EED: variants seen among roughly 807,000 people sequenced by gnomAD.
EED encodes polycomb protein EED.
EED carries 9 observed loss-of-function variants against 61.0 expected under a neutral mutation model. The ratio of observed to expected loss-of-function variants is 0.15; its 90% CI spans 0.09 to 0.26. EED has a LOEUF of 0.26. Among genes scored for constraint, EED ranks in the 10% least tolerant of loss-of-function variants. EED has a pLI of 1.00. For missense variants in EED, 315 were observed against 542.3 expected, an observed-to-expected ratio of 0.58 and a Z score of 4.16; for synonymous variants, 187 against 174.4, an observed-to-expected ratio of 1.07 and a Z score of -0.57.
the EED span, among the ~76,000 whole-genome samples, chr11:86,286,828 C>T: frequency 1.6e-4 from 24 of 151,942 alleles, no homozygotes; most frequent in Admixed American, 1.3e-3. Flanking sequence ...AAAAATTAGC[C>T]GGGCACGGTG....
chr11:86,286,324 A>G, the EED span, among the ~76,000 whole-genome samples: 2 of 152,082 alleles, frequency 1.3e-5, no homozygotes, highest in African/African-American at 4.8e-5. Context: ...TACAGGCGTG[A>G]GCCACTGTGC....
intron 6 of EED, among the ~76,000 whole-genome samples, chr11:86,263,236 T>C (rs1328410010): frequency 6.6e-6 from 1 of 152,206 alleles, no homozygotes; most frequent in African/African-American, 2.4e-5. Flanking sequence ...ACCACTTAAG[T>C]AATCCTTAAG....
intron 1 of EED, among the ~76,000 whole-genome samples, chr11:86,246,194 A>G (rs572536047): frequency 3.2e-3 from 485 of 152,386 alleles, no homozygotes; most frequent in African/African-American, 0.011. Flanking sequence ...ACTCGCCAGT[A>G]AGAGCCGAAT....
intron 6 of EED, among the ~76,000 whole-genome samples, chr11:86,259,875 A>T (rs1296983440): frequency 6.6e-6 from 1 of 152,242 alleles, no homozygotes; most frequent in Admixed American, 6.5e-5. Flanking sequence ...ACAAGAAGAA[A>T]TCAGAGCCCT....
rs369391559 is a variant in EED at position 86,250,397 on chromosome 11, A to G, written c.216A>G (p.Lys72=). The G allele has an allele frequency of 2.1e-5, 34 of 1,608,658 alleles. No homozygotes were observed. In the African/African-American group the frequency reaches 2.6e-4, roughly 12 times the overall value. The change falls in exon 2 of 12, where the codon AAA becomes AAG. Residue 72 remains lysine (K), a synonymous_variant. Coordinates refer to ENST00000263360, the MANE Select transcript of EED (RefSeq NM_003797.5). ...GAAGGAAAAGTTGGGGAAAGGGAAA[A>G]TGGAAGTCAAAGAAATGCAAATATT... The part of the protein sequence containing the change: ...APGRKSWGKG[K]WKSKKCKYSF...
intron 2 of EED, among the ~76,000 whole-genome samples, chr11:86,251,157 A>G (rs1307229699): frequency 1.3e-5 from 2 of 152,112 alleles, no homozygotes; most frequent in Admixed American, 6.5e-5. Context: ...ATCCAAATAT[A>G]TTTTTTATAA....
chr11:86,256,358 TTA>T (rs765329415), intron 4 of EED, 27 bp from the exon 5 acceptor site: 564 of 1,508,382 alleles, frequency 3.7e-4, no homozygotes, highest in Non-Finnish European at 4.9e-4. Context: ...TTCAAAAACA[TTA>T]TGTTTCTTAA....
chr11:86,249,985 C>G (rs1025021615), intron 1 of EED, among the ~76,000 whole-genome samples: 1 of 152,188 alleles, frequency 6.6e-6, no homozygotes, highest in African/African-American at 2.4e-5. Context: ...TTGTAAAGAG[C>G]TGTAAAGATT....
chr11:86,252,287 T>C (rs1945552048), intron 3 of EED, 47 bp downstream of exon 3: 1 of 1,296,356 alleles, frequency 7.7e-7, no homozygotes, highest in South Asian at 1.3e-5. Context: ...TTTCCAGATC[T>C]GGTGTTAATG....
the EED span, among the ~76,000 whole-genome samples, chr11:86,286,637 CA>C: frequency 6.6e-6 from 1 of 151,950 alleles, no homozygotes; most frequent in African/African-American, 2.4e-5. Flanking sequence ...TCATCTAGGA[CA>C]GTAGGTTTTA....
chr11:86,266,714 A>G (rs1448650551), intron 8 of EED, among the ~76,000 whole-genome samples: 1 of 152,150 alleles, frequency 6.6e-6, no homozygotes, highest in African/African-American at 2.4e-5. Flanking sequence ...ATTCAAATGC[A>G]GGAGCCTCAC....
chr11:86,249,750 G>A lies in EED; in HGVS notation c.115-546G>A, dbSNP rs562101026. 3.3e-5 allele frequency among the ~76,000 whole-genome samples: 5 copies of A among 152,296 alleles called. No homozygotes were observed. In the East Asian group the frequency reaches 9.6e-4, roughly 29 times the overall value. ...ACTTTAAAAAAATTCTAAATGTTTTGCGTTATAAGCAGAATTTGAATAACA... is the reference window on the plus strand; with the variant it reads ...ACTTTAAAAAAATTCTAAATGTTTTACGTTATAAGCAGAATTTGAATAACA... On this transcript the variant is annotated intron_variant, in intron 1 of 11. Transcript: ENST00000263360.
the EED span, chr11:86,284,650 G>C: frequency 1.3e-5 from 2 of 152,248 alleles, no homozygotes; most frequent in African/African-American, 4.8e-5. Flanking sequence ...TTGGATTTCA[G>C]AACAAAGTAT....
downstream of EED, among the ~76,000 whole-genome samples, chr11:86,279,745 A>C (rs1468582075): frequency 6.6e-6 from 1 of 152,222 alleles, no homozygotes; most frequent in Non-Finnish European, 1.5e-5. Flanking sequence ...GCTATCTCTG[A>C]AGCACAGTTT....
At chr11:86,267,733 T>G (rs1461128784) in intron 8 of EED, among the ~76,000 whole-genome samples, 1 of 151,498 alleles carries the variant, frequency 6.6e-6, no homozygotes, top group Admixed American at 6.6e-5. Context: ...CCCAAGTAGC[T>G]GGATTACAGG....
At chr11:86,256,769 G>T (rs1228511738) in intron 5 of EED, among the ~76,000 whole-genome samples, 2 of 152,056 alleles carry the variant, frequency 1.3e-5, no homozygotes, top group African/African-American at 2.4e-5. Flanking sequence ...CCTTGTCATG[G>T]TTTACTTTGA....
chr11:86,260,488 CA>C (rs1945799381), intron 6 of EED, among the ~76,000 whole-genome samples: 1 of 152,104 alleles, frequency 6.6e-6, no homozygotes, highest in African/African-American at 2.4e-5. Context: ...CTTGGCCTCC[CA>C]AAGTGCTGGG....
intron 9 of EED, among the ~76,000 whole-genome samples, chr11:86,270,736 A>G (rs1279136827): frequency 6.6e-6 from 1 of 152,116 alleles, no homozygotes; most frequent in East Asian, 1.9e-4. Flanking sequence ...TTTTTCTCTT[A>G]TAGATACTCA....
chr11:86,251,516 T>A (rs7128764), intron 2 of EED, among the ~76,000 whole-genome samples: 121,404 of 152,082 alleles, frequency 0.8, 48,640 homozygotes, highest in Non-Finnish European at 0.83. Flanking sequence ...ATGCCAGAAG[T>A]TGGCCAGTAA....
Sources: gnomAD v4.1 joint callset for allele counts (sites outside exome capture counted in the v4.1 genomes callset) on GRCh38, gnomAD v4.1.1 for gene constraint, MANE v1.5 for transcripts, NCBI Gene and HGNC (gene_info 2026-07-23, HGNC 2026-07-21) for gene names.